RBMS3: variants seen among roughly 807,000 people sequenced by gnomAD.
The protein encoded by RBMS3 is RNA-binding motif, single-stranded-interacting protein 3.
A neutral mutation model predicts 66.8 loss-of-function variants in RBMS3; 27 were observed. The observed-to-expected ratio is 0.40, with a 90% CI of 0.30 to 0.56. RBMS3 has a LOEUF of 0.56. Among genes scored for constraint, RBMS3 ranks in the 20% least tolerant of loss-of-function variants. The pLI, the probability that RBMS3 is intolerant of heterozygous loss-of-function variation, is 0.40. For missense variants in RBMS3, 513 were observed against 549.5 expected (o/e 0.93, Z 0.66); for synonymous variants, 188 against 183.0 (o/e 1.03, Z -0.22).
At chr3:29,703,573 A>G (rs2052732181) in intron 4 of RBMS3, among the ~76,000 whole-genome samples, 1 of 152,240 alleles carries the variant, frequency 6.6e-6, no homozygotes, top group Admixed American at 6.5e-5. Flanking sequence ...TAGTAGGTCT[A>G]AAGTTCTACC....
At chr3:29,412,748 A>G (rs924549813) in intron 1 of RBMS3, among the ~76,000 whole-genome samples, 6 of 152,210 alleles carry the variant, frequency 3.9e-5, no homozygotes, top group African/African-American at 1.4e-4. Flanking sequence ...ACTGAAGGAC[A>G]AAATGTTTAT....
chr3:29,623,247 A>G (rs1217322077), intron 4 of RBMS3, among the ~76,000 whole-genome samples: 1 of 151,986 alleles, frequency 6.6e-6, no homozygotes, highest in Non-Finnish European at 1.5e-5. Flanking sequence ...ATGTAATTAA[A>G]GCACTACTTT....
intron 3 of RBMS3, among the ~76,000 whole-genome samples, chr3:29,505,298 A>C (rs1468914531): frequency 1.3e-5 from 2 of 151,894 alleles, no homozygotes; most frequent in Non-Finnish European, 2.9e-5. Context: ...TCCCAACAAT[A>C]TTTATTGAAT....
At chr3:29,661,628 C>G (rs544099390) in intron 4 of RBMS3, among the ~76,000 whole-genome samples, 42 of 152,206 alleles carry the variant, frequency 2.8e-4, no homozygotes, top group African/African-American at 9.2e-4. Context: ...TGGGAGTGCT[C>G]TAATATTCAG....
At chr3:29,868,741 T>A in intron 6 of RBMS3, 117 bp from the exon 7 acceptor site, 1 of 932,594 alleles carries the variant, frequency 1.1e-6, no homozygotes, top group Non-Finnish European at 1.6e-6. Flanking sequence ...AAATATCTCT[T>A]CAGAAGCAAG....
intron 8 of RBMS3, 129 bp downstream of exon 8, chr3:29,884,337 C>A (rs2149579628): frequency 2.7e-6 from 2 of 730,650 alleles, no homozygotes; most frequent in Middle Eastern, 2.6e-4. Context: ...TTAAACCAAG[C>A]ATTTTTCATC....
chr3:29,412,892 G>C (rs2040323385), intron 1 of RBMS3, among the ~76,000 whole-genome samples: 1 of 152,180 alleles, frequency 6.6e-6, no homozygotes, highest in African/African-American at 2.4e-5. Flanking sequence ...CTTGGCTACT[G>C]GGGAACCAGG....
chr3:29,734,604 G>A (rs1179474636), intron 4 of RBMS3, among the ~76,000 whole-genome samples: 1 of 152,028 alleles, frequency 6.6e-6, no homozygotes, highest in East Asian at 1.9e-4. Flanking sequence ...ATCACTCACT[G>A]AGACCCATAG....
chr3:29,296,400 C>T (rs1171376893), intron 1 of RBMS3, among the ~76,000 whole-genome samples: 1 of 151,712 alleles, frequency 6.6e-6, no homozygotes, highest in Non-Finnish European at 1.5e-5. Context: ...TCTTAACAAC[C>T]CTCATCTGTT....
At chr3:29,901,945 C>T (rs1170764316) in intron 10 of RBMS3, among the ~76,000 whole-genome samples, 3 of 151,812 alleles carry the variant, frequency 2.0e-5, no homozygotes, top group Non-Finnish European at 4.4e-5. Flanking sequence ...ACATAAGTAA[C>T]TTTACCCAAC....
At chr3:29,702,219 CA>C (rs1454371631) in intron 4 of RBMS3, among the ~76,000 whole-genome samples, 1 of 152,098 alleles carries the variant, frequency 6.6e-6, no homozygotes, top group Non-Finnish European at 1.5e-5. Context: ...GTAAATCCAC[CA>C]ATCAGCACCC....
At chr3:29,983,834 GC>G (rs200986918) in intron 12 of RBMS3, among the ~76,000 whole-genome samples, 4,141 of 152,110 alleles carry the variant, frequency 0.027, 125 homozygotes, top group East Asian at 0.17. Context: ...CTTTCTGGCT[GC>G]CCTTAACATT....
intron 4 of RBMS3, among the ~76,000 whole-genome samples, chr3:29,656,671 C>A (rs2050337958): frequency 6.6e-6 from 1 of 152,138 alleles, no homozygotes; most frequent in Admixed American, 6.6e-5. Context: ...AACCTGTCTA[C>A]CTAAGGTTCT....
At chr3:29,520,721 G>A (rs1272807683) in intron 3 of RBMS3, among the ~76,000 whole-genome samples, 3 of 152,056 alleles carry the variant, frequency 2.0e-5, no homozygotes, top group African/African-American at 7.2e-5. Context: ...CTGTGTCTCA[G>A]CGAAACATTG....
chr3:29,307,216 C>G (rs985922625), intron 1 of RBMS3, among the ~76,000 whole-genome samples: 1 of 151,872 alleles, frequency 6.6e-6, no homozygotes, highest in African/African-American at 2.4e-5. Flanking sequence ...CTTTCCACAG[C>G]TGGTCATAGA....
In RBMS3 at chr3:29,387,620, T is replaced by C. The variant is rs2039066187; in HGVS notation, c.76-47123T>C. ...GAGTAAACGTTTTAAAATGTATAGA[T>C]GGCCGGGCGCGGTGGCTCACACCTG... On this transcript the variant is annotated intron_variant, in intron 1 of 14. Coordinates refer to ENST00000383767, the MANE Select transcript of RBMS3 (RefSeq NM_001003793.3). Among the ~76,000 whole-genome samples the C allele has an allele frequency of 3.3e-5, 5 of 152,188 alleles. No individual in the cohort carries two copies. In the South Asian group the frequency reaches 1.0e-3, roughly 32 times the overall value.
intron 4 of RBMS3, among the ~76,000 whole-genome samples, chr3:29,613,558 A>G (rs1164599706): frequency 6.6e-6 from 1 of 152,174 alleles, no homozygotes; most frequent in Non-Finnish European, 1.5e-5. Flanking sequence ...ATACTTTATG[A>G]TAAAATAGCA....
At chr3:29,880,677 A>C (rs982091273) in intron 7 of RBMS3, 2 of 1,062,626 alleles carry the variant, frequency 1.9e-6, no homozygotes, top group African/African-American at 3.1e-5. Flanking sequence ...CCAATGGGTT[A>C]AGTTCAAACA....
intron 3 of RBMS3, among the ~76,000 whole-genome samples, chr3:29,555,849 C>G (rs2046340927): frequency 6.7e-6 from 1 of 150,296 alleles, no homozygotes; most frequent in African/African-American, 2.5e-5. Flanking sequence ...AACCAATGCT[C>G]CAAAGAAAAC....
Sources: gnomAD v4.1 joint callset for allele counts (sites outside exome capture counted in the v4.1 genomes callset) on GRCh38, gnomAD v4.1.1 for gene constraint, MANE v1.5 for transcripts, NCBI Gene and HGNC (gene_info 2026-07-23, HGNC 2026-07-21) for gene names.